The following KIAA1328 variants were observed in gnomAD, a reference collection of about 807,000 sequenced individuals.
KIAA1328 encodes the protein protein hinderin.
A neutral mutation model predicts 68.1 loss-of-function variants in KIAA1328; 52 were observed. That is an observed-to-expected ratio of 0.76 (90% confidence interval 0.61 to 0.96). KIAA1328 has a LOEUF of 0.96. Among genes scored for constraint, KIAA1328 ranks in the 40% least tolerant of loss-of-function variants. The pLI, the probability that KIAA1328 is intolerant of heterozygous loss-of-function variation, is 0.00. For missense variants in KIAA1328, 641 were observed against 677.6 expected (o/e 0.95, Z 0.60); for synonymous variants, 232 against 239.4 (o/e 0.97, Z 0.28).
intron 5 of KIAA1328, chr18:36,923,948 A>C (rs916359952): frequency 6.6e-6 from 1 of 152,148 alleles, no homozygotes; most frequent in African/African-American, 2.4e-5. Flanking sequence ...GTGAGATGGA[A>C]GTTGCAAAGG....
chr18:36,870,180 C>G (rs548185437), intron 4 of KIAA1328, among the ~76,000 whole-genome samples: 1 of 152,188 alleles, frequency 6.6e-6, no homozygotes, highest in African/African-American at 2.4e-5. Flanking sequence ...TTATTCTTAC[C>G]ATATAAATTT....
At chr18:36,918,430 T>G (rs919724329) in intron 5 of KIAA1328, among the ~76,000 whole-genome samples, 8 of 101,326 alleles carry the variant, frequency 7.9e-5, no homozygotes, top group African/African-American at 2.5e-4. Flanking sequence ...TTTTTTTTTT[T>G]GAGACGGAGT....
intron 5 of KIAA1328, among the ~76,000 whole-genome samples, chr18:36,945,780 T>C (rs1229437135): frequency 1.3e-5 from 2 of 152,158 alleles, no homozygotes; most frequent in African/African-American, 2.4e-5. Context: ...GATGAGTATC[T>C]TTTTGGAAAT....
chr18:37,194,800 A>G (rs1420048204), intron 9 of KIAA1328, among the ~76,000 whole-genome samples: 1 of 152,074 alleles, frequency 6.6e-6, no homozygotes, highest in Non-Finnish European at 1.5e-5. Context: ...AGCTGAGATG[A>G]CAGGTGTGCA....
intron 7 of KIAA1328, among the ~76,000 whole-genome samples, chr18:37,137,360 C>CA (rs143757760): frequency 0.014 from 2,189 of 152,082 alleles, 49 homozygotes; most frequent in African/African-American, 0.05. Flanking sequence ...TAAAACAAAA[C>CA]AAAAAAACCC....
At chr18:36,924,883 C>T (rs1386180378) in intron 5 of KIAA1328, 1 of 152,014 alleles carries the variant, frequency 6.6e-6, no homozygotes, top group Non-Finnish European at 1.5e-5. Context: ...ATAAAAGAAC[C>T]ATAAGCATAT....
At chr18:36,969,700 G>A (rs2052096377) in intron 6 of KIAA1328, among the ~76,000 whole-genome samples, 1 of 152,132 alleles carries the variant, frequency 6.6e-6, no homozygotes, top group South Asian at 2.1e-4. Context: ...AATTCTACCA[G>A]ATGTACAAAG....
In KIAA1328 at chr18:37,061,114, C is replaced by CA. The variant is rs983918025; in HGVS notation, c.577-5767dup. ...TGGGCGACAGAGCAAGACTCCGTCTCAAAAAAAAAGAGAAAGAAAAATACT... is the reference window on the plus strand; with the variant it reads ...TGGGCGACAGAGCAAGACTCCGTCTCAAAAAAAAAAGAGAAAGAAAAATACT... On this transcript the variant is annotated intron_variant, in intron 6 of 9. Coordinates refer to ENST00000280020, the MANE Select transcript of KIAA1328 (RefSeq NM_020776.3). Among the ~76,000 whole-genome samples the CA allele has an allele frequency of 1.0e-4, 15 of 149,226 alleles. No individual in the cohort carries two copies. In the East Asian group the frequency reaches 2.2e-3, roughly 21 times the overall value.
chr18:37,018,429 GACTATTATAT>G (rs2054227887), intron 6 of KIAA1328, among the ~76,000 whole-genome samples: 1 of 151,970 alleles, frequency 6.6e-6, no homozygotes, highest in Admixed American at 6.6e-5. Context: ...TGAACCTTCT[GACTATTATAT>G]ACCTTGGTGA....
intron 7 of KIAA1328, among the ~76,000 whole-genome samples, chr18:37,099,590 T>C (rs1042351126): frequency 1.3e-5 from 2 of 152,194 alleles, no homozygotes; most frequent in African/African-American, 4.8e-5. Flanking sequence ...GTCTATTAGG[T>C]CTGCTTGGTG....
At chr18:36,992,069 A>C (rs1217902237) in intron 6 of KIAA1328, among the ~76,000 whole-genome samples, 1 of 152,116 alleles carries the variant, frequency 6.6e-6, no homozygotes, top group African/African-American at 2.4e-5. Context: ...CTTTCTGTGA[A>C]ATGTCTTTTC....
chr18:36,958,403 T>C (rs1192268589), intron 5 of KIAA1328, among the ~76,000 whole-genome samples: 4 of 152,196 alleles, frequency 2.6e-5, no homozygotes, highest in Admixed American at 2.0e-4. Context: ...AATAATTCTC[T>C]AACATTGTGA....
intron 4 of KIAA1328, among the ~76,000 whole-genome samples, chr18:36,858,951 TA>T (rs2047469165): frequency 6.6e-6 from 1 of 152,220 alleles, no homozygotes; most frequent in South Asian, 2.1e-4. Context: ...TTTAATTTTT[TA>T]TATGACTTTC....
At chr18:37,080,107 T>A (rs2056899584) in intron 7 of KIAA1328, among the ~76,000 whole-genome samples, 1 of 152,180 alleles carries the variant, frequency 6.6e-6, no homozygotes, top group South Asian at 2.1e-4. Context: ...CTGTTTTCTG[T>A]CATTACCTTT....
intron 6 of KIAA1328, among the ~76,000 whole-genome samples, chr18:37,020,121 T>A (rs2054290609): frequency 6.6e-6 from 1 of 151,994 alleles, no homozygotes; most frequent in Non-Finnish European, 1.5e-5. Flanking sequence ...CATAGGTATT[T>A]CTTTTTTTTT....
At chr18:37,199,276 G>C (rs921099271) in intron 9 of KIAA1328, among the ~76,000 whole-genome samples, 1 of 152,184 alleles carries the variant, frequency 6.6e-6, no homozygotes, top group Non-Finnish European at 1.5e-5. Flanking sequence ...GTAGGCCCTA[G>C]TGTGTGTTGT....
chr18:37,083,024 A>G (rs1388371959), intron 7 of KIAA1328, among the ~76,000 whole-genome samples: 1 of 152,158 alleles, frequency 6.6e-6, no homozygotes, highest in Non-Finnish European at 1.5e-5. Context: ...CCCAGCCCTC[A>G]CTTTAGTAAT....
chr18:36,877,789 C>T (rs1310947919), intron 4 of KIAA1328, among the ~76,000 whole-genome samples: 1 of 151,456 alleles, frequency 6.6e-6, no homozygotes, highest in African/African-American at 2.4e-5. Context: ...GCCTCAGCCT[C>T]CCGAGTAGCT....
rs1030870187 is a variant in KIAA1328 at position 36,950,177 on chromosome 18, G to A, written c.449-9131G>A. On this transcript the variant is annotated intron_variant, in intron 5 of 9. Coordinates refer to ENST00000280020, the MANE Select transcript of KIAA1328 (RefSeq NM_020776.3). ...ACTCTTTTTTTCAAAAGGGAGAAAA[G>A]AAAATGATTGTAAGGTGAGGAATTT... is the stretch of plus-strand genomic sequence containing the variant. Among the ~76,000 whole-genome samples, 4 of 152,204 alleles carry A rather than the reference G, an allele frequency of 2.6e-5. No homozygotes were observed. The South Asian group carries it at 8.3e-4, about 31-fold the overall frequency.
Sources: gnomAD v4.1 joint callset for allele counts (sites outside exome capture counted in the v4.1 genomes callset) on GRCh38, gnomAD v4.1.1 for gene constraint, MANE v1.5 for transcripts, NCBI Gene and HGNC (gene_info 2026-07-23, HGNC 2026-07-21) for gene names.